The following ZFYVE1 variants were observed in gnomAD, a reference collection of about 807,000 sequenced individuals.
The protein encoded by ZFYVE1 is zinc finger FYVE domain-containing protein 1.
A neutral mutation model predicts 74.4 loss-of-function variants in ZFYVE1; 30 were observed. That is an observed-to-expected ratio of 0.40 (90% CI 0.30 to 0.55). The LOEUF is 0.55. Ranked by LOEUF, ZFYVE1 falls within the 20% of genes least tolerant of loss-of-function variation. The probability of loss-of-function intolerance (pLI) is 0.42; values close to 1 mark genes in which losing one functional copy is unlikely to be tolerated. For missense variants in ZFYVE1, 703 were observed against 1,011.6 expected (o/e 0.69, Z 4.14); for synonymous variants, 335 against 385.1 (o/e 0.87, Z 1.52).
At chr14:73,012,968 T>C (rs993763582) in intron 2 of ZFYVE1, among the ~76,000 whole-genome samples, 1 of 152,194 alleles carries the variant, frequency 6.6e-6, no homozygotes, top group African/African-American at 2.4e-5. Flanking sequence ...CTTTGAATTC[T>C]GGATTGCTCA....
Position 72,975,752 on chromosome 14 carries a change from T to G in ZFYVE1, c.1636-31A>C, listed in dbSNP as rs1360251650. On this transcript the variant is annotated intron_variant, in intron 8 of 11. Coordinates refer to ENST00000556143, the MANE Select transcript of ZFYVE1 (RefSeq NM_021260.4). The surrounding 1 kb of genome is among the most constrained non-coding windows in gnomAD (Gnocchi z 4.1). ...ATGAAAACGCAGGCTTCCATCATGC[T>G]CTGAGAAGGGAGTGAAAGGAAGGAG... 6.2e-7 allele frequency: 1 copy of G among 1,608,934 alleles called. No homozygotes were observed. The highest frequency in any genetic ancestry group is 8.5e-7 in the Non-Finnish European group (1 of 1,177,252).
At position 72,995,947 on chromosome 14, in the gene ZFYVE1, G is replaced by A. The variant is rs777370925; in HGVS notation, c.988+1864C>T. Reference sequence around the variant, plus strand: ...AGTCATCCTGCAATAGGCTGCCAGGGAATCTTTTGAAAATATAGATCTGGC... The same window carrying A: ...AGTCATCCTGCAATAGGCTGCCAGGAAATCTTTTGAAAATATAGATCTGGC... On this transcript the variant is annotated intron_variant, in intron 3 of 11. Transcript: ENST00000556143. Among the ~76,000 whole-genome samples the A allele has an allele frequency of 2.2e-4, 33 of 152,086 alleles. 1 individual carries two copies. Among genetic ancestry groups the A allele is most frequent in the Non-Finnish European group, 7.4e-5 (5 of 68,006 alleles).
Position 72,975,023 on chromosome 14 carries a change from A to T in ZFYVE1, c.1807-64T>A. 2.0e-6 allele frequency: 3 copies of T among 1,515,652 alleles called. No individual in the cohort carries two copies. Among genetic ancestry groups the T allele is most frequent in the Non-Finnish European group, 2.7e-6 (3 of 1,123,090 alleles). The allele number at this position is 1,515,652 out of a possible 1,614,324, so 93.9% of individuals were successfully genotyped here. Reference sequence around the variant, plus strand: ...TATGGTACATGTCTGCTCAGCTGAGAAAGTCAACAAGACCCCGGAGCAAGC... The same window carrying T: ...TATGGTACATGTCTGCTCAGCTGAGTAAGTCAACAAGACCCCGGAGCAAGC... On this transcript the variant is annotated intron_variant, in intron 9 of 11. Coordinates refer to ENST00000556143, the MANE Select transcript of ZFYVE1 (RefSeq NM_021260.4). The surrounding 1 kb of genome is among the most constrained non-coding windows in gnomAD (Gnocchi z 4.1).
Position 72,974,209 on chromosome 14 carries a change from A to G in ZFYVE1, c.1988-16T>C. On this transcript the variant is annotated splice_polypyrimidine_tract_variant and intron_variant, in intron 10 of 11. Coordinates refer to ENST00000556143, the MANE Select transcript of ZFYVE1 (RefSeq NM_021260.4). ...TCGGTAACAGCTGTAGACAGTAATAAAGGAAATGCTGTCACCTCTAAGTCC... is the reference window on the plus strand; with the variant it reads ...TCGGTAACAGCTGTAGACAGTAATAGAGGAAATGCTGTCACCTCTAAGTCC... The G allele has an allele frequency of 6.2e-7, 1 of 1,610,592 alleles. No homozygotes were observed. Among genetic ancestry groups the G allele is most frequent in the Non-Finnish European group, 8.5e-7 (1 of 1,176,838 alleles).
At chr14:73,005,059 C>T (rs937159870) in intron 2 of ZFYVE1, among the ~76,000 whole-genome samples, 8 of 151,400 alleles carry the variant, frequency 5.3e-5, no homozygotes, top group African/African-American at 1.7e-4. Context: ...TAAACAGATA[C>T]GCAGGAAAAT....
intron 2 of ZFYVE1, among the ~76,000 whole-genome samples, chr14:73,012,621 C>CA (rs527432890): frequency 6.0e-5 from 9 of 149,762 alleles, no homozygotes; most frequent in East Asian, 3.9e-4. Flanking sequence ...GATTTCGTCT[C>CA]AAAAAAAAAG....
chr14:73,014,583 T>C (rs1216267773), intron 2 of ZFYVE1, among the ~76,000 whole-genome samples: 1 of 152,226 alleles, frequency 6.6e-6, no homozygotes, highest in Non-Finnish European at 1.5e-5. Context: ...CAATAATAGA[T>C]ATATTCATAT....
chr14:73,005,991 A>G (rs1893969656), intron 2 of ZFYVE1, among the ~76,000 whole-genome samples: 1 of 151,476 alleles, frequency 6.6e-6, no homozygotes, highest in African/African-American at 2.4e-5. Flanking sequence ...GCACGATCTC[A>G]GCTCACTGCA....
chr14:72,982,442 T>C (rs1325731952), intron 4 of ZFYVE1, among the ~76,000 whole-genome samples: 2 of 150,974 alleles, frequency 1.3e-5, no homozygotes, highest in Non-Finnish European at 2.9e-5. Context: ...ATTTATCAAC[T>C]CTACCAACCC....
chr14:72,982,483 A>T (rs1361429788), intron 4 of ZFYVE1, among the ~76,000 whole-genome samples: 2 of 152,248 alleles, frequency 1.3e-5, no homozygotes, highest in Non-Finnish European at 2.9e-5. Context: ...AGGACAGCAA[A>T]TGGCCAAAAT....
chr14:73,002,500 T>C (rs147962160), intron 2 of ZFYVE1, among the ~76,000 whole-genome samples: 1,753 of 152,116 alleles, frequency 0.012, 33 homozygotes, highest in African/African-American at 0.04. Flanking sequence ...TGGAGTGCAG[T>C]GGCATGATCT....
At chr14:73,009,829 C>T (rs72734426) in intron 2 of ZFYVE1, among the ~76,000 whole-genome samples, 3,240 of 152,092 alleles carry the variant, frequency 0.021, 57 homozygotes, top group Non-Finnish European at 0.034. Context: ...AAGGATAGGC[C>T]GAGCATAGTG....
rs776971321 is a variant in ZFYVE1, at chr14:73,024,515, G to T, written c.-7C>A. 1.9e-6 allele frequency: 3 copies of T among 1,586,396 alleles called. No individual in the cohort carries two copies. The Admixed American group carries it at 5.3e-5, about 28-fold the overall frequency. On this transcript the variant is annotated 5_prime_UTR_variant, in exon 2 of 12. Coordinates refer to ENST00000556143, the MANE Select transcript of ZFYVE1 (RefSeq NM_021260.4). ...GGGAAGTCTGGGCACTCATACTCAC[G>T]CTGGTAAGGAAACACACCCACCATA...
At chr14:73,008,174 T>C (rs767034539) in intron 2 of ZFYVE1, among the ~76,000 whole-genome samples, 1 of 152,234 alleles carries the variant, frequency 6.6e-6, no homozygotes, top group Non-Finnish European at 1.5e-5. Flanking sequence ...TTTTTTTGTG[T>C]GTGAGACGGA....
chr14:73,002,737 T>C (rs1396067899), intron 2 of ZFYVE1, among the ~76,000 whole-genome samples: 1 of 137,156 alleles, frequency 7.3e-6, no homozygotes, highest in African/African-American at 2.6e-5. Flanking sequence ...ACACGTTGCT[T>C]TTTCTTTTTT....
chr14:72,970,857 G>T lies in ZFYVE1; in HGVS notation c.*25C>A. 1 of 1,610,484 alleles carries T rather than the reference G, an allele frequency of 6.2e-7. No homozygotes were observed. Among genetic ancestry groups the T allele is most frequent in the Non-Finnish European group, 8.5e-7 (1 of 1,177,204 alleles). ...TAACCCTGAGAACCTAAGGAATTGT[G>T]AAGGACTCGGAGAGGGGGCTGGGGT... is the stretch of plus-strand genomic sequence containing the variant. On this transcript the variant is annotated 3_prime_UTR_variant, in exon 12 of 12. Transcript: ENST00000556143.
At chr14:72,983,734 G>GTCA (rs1362617732) in intron 4 of ZFYVE1, among the ~76,000 whole-genome samples, 1 of 152,174 alleles carries the variant, frequency 6.6e-6, no homozygotes, top group Non-Finnish European at 1.5e-5. Context: ...GGATGGCTGG[G>GTCA]TCAAATGGTA....
intron 4 of ZFYVE1, 37 bp downstream of exon 4, chr14:72,993,106 C>G: frequency 6.5e-7 from 1 of 1,536,382 alleles, no homozygotes; most frequent in Non-Finnish European, 8.8e-7. Flanking sequence ...CCCACTGGCA[C>G]CCCAATGAGA....
At chr14:72,974,442 G>A (rs1168184257) in intron 10 of ZFYVE1, among the ~76,000 whole-genome samples, 5 of 152,204 alleles carry the variant, frequency 3.3e-5, no homozygotes, top group African/African-American at 1.2e-4. Context: ...AGGCAGAAAG[G>A]TTCTAGGAGC....
Sources: allele counts gnomAD v4.1 joint callset (sites outside exome capture counted in the v4.1 genomes callset), GRCh38; gene constraint gnomAD v4.1.1; non-coding constraint Gnocchi (gnomAD v3.1); transcripts MANE v1.5; gene names NCBI Gene and HGNC (gene_info 2026-07-23, HGNC 2026-07-21).